The following SCAF11 variants were observed in gnomAD, a reference collection of about 807,000 sequenced individuals.
The protein encoded by SCAF11 is SR-related CTD associated factor 11, also known as protein SCAF11.
A neutral mutation model predicts 140.5 loss-of-function variants in SCAF11; 47 were observed. The ratio of observed to expected loss-of-function variants is 0.33; its 90% CI spans 0.26 to 0.43. SCAF11 has a LOEUF of 0.43. SCAF11 is among the 20% of genes least tolerant of loss of function. SCAF11 has a pLI of 1.00. For missense variants in SCAF11, 1,645 were observed against 1,705.1 expected, an observed-to-expected ratio of 0.96 and a Z score of 0.62; for synonymous variants, 557 against 579.4, an observed-to-expected ratio of 0.96 and a Z score of 0.55.
intron 1 of SCAF11, among the ~76,000 whole-genome samples, chr12:45,965,414 G>A (rs1264926244): frequency 6.6e-6 from 1 of 152,184 alleles, no homozygotes. Context: ...AGGTAAAAAT[G>A]AGAAAAGTGG....
At chr12:45,972,827 GCAGA>G (rs1375337284) in intron 1 of SCAF11, among the ~76,000 whole-genome samples, 10 of 138,400 alleles carry the variant, frequency 7.2e-5, no homozygotes, top group Non-Finnish European at 1.2e-4. Flanking sequence ...TACCTAACAA[GCAGA>G]CAAAGATTTA....
chr12:45,945,487 T>C (rs943378091), intron 5 of SCAF11, among the ~76,000 whole-genome samples, 174 bp from the exon 6 acceptor site: 5 of 152,102 alleles, frequency 3.3e-5, no homozygotes, highest in East Asian at 1.9e-4. Context: ...TATGAGATAT[T>C]AGAATGTCAA....
chr12:45,967,208 G>T (rs916908805), intron 1 of SCAF11, among the ~76,000 whole-genome samples: 2 of 151,836 alleles, frequency 1.3e-5, no homozygotes, highest in African/African-American at 4.8e-5. Context: ...GGGCAACACA[G>T]CAAGACCCTG....
At chr12:45,960,559 C>T (rs1016786209) in intron 3 of SCAF11, 7 of 152,244 alleles carry the variant, frequency 4.6e-5, no homozygotes, top group Non-Finnish European at 7.4e-5. Context: ...CATATTAATT[C>T]AGCAAAACTC....
chr12:45,968,067 A>G (rs1945992289), intron 1 of SCAF11, among the ~76,000 whole-genome samples: 1 of 152,230 alleles, frequency 6.6e-6, no homozygotes, highest in Non-Finnish European at 1.5e-5. Context: ...AGTTACCTGA[A>G]AAGTTAGATA....
At position 45,927,182 on chromosome 12, in the gene SCAF11, G is replaced by A. The variant is rs1310608260; in HGVS notation, c.2519C>T (p.Ala840Val). 6.2e-7 allele frequency: 1 copy of A among 1,613,978 alleles called. No homozygotes were observed. The highest frequency in any genetic ancestry group is 8.5e-7 in the Non-Finnish European group (1 of 1,179,962). The change falls in exon 11 of 15, where the codon GCC becomes GTC. Residue 840 changes from alanine (A) to valine (V), a missense_variant. Physicochemically the swap from Ala to Val is moderately conservative, Grantham distance 64. Around this residue, in one of 2 missense-constraint regions of SCAF11, gnomAD observed 1,582 missense variants for 1,609.2 expected, o/e 0.98. Coordinates refer to ENST00000369367, the MANE Select transcript of SCAF11 (RefSeq NM_004719.3). ...SQSPSPKNES[A>V]RGRKKSRSQS... is the part of the protein sequence containing the mutation. ...AGAACGGGATTTTTTCCGGCCTCTG[G>A]CTGACTCATTCTTAGGAGATGGTGA...
At chr12:45,934,096 G>T in intron 8 of SCAF11, 80 bp downstream of exon 8, 1 of 808,814 alleles carries the variant, frequency 1.2e-6, no homozygotes, top group Non-Finnish European at 1.8e-6. Flanking sequence ...ATTGGGCCCA[G>T]AGTTTAAATT....
At chr12:45,963,570 C>G (rs971311973) in intron 2 of SCAF11, among the ~76,000 whole-genome samples, 6 of 152,014 alleles carry the variant, frequency 3.9e-5, no homozygotes, top group Non-Finnish European at 8.8e-5. Context: ...TAGACCTTCA[C>G]TAAAGAAACT....
At chr12:45,931,324 A>G in intron 10 of SCAF11, 182 bp downstream of exon 10, 1 of 381,926 alleles carries the variant, frequency 2.6e-6, no homozygotes, top group Non-Finnish European at 4.7e-6. Flanking sequence ...ATCTATATAT[A>G]CATACACTCT....
At chr12:45,983,785 A>ACACACACACACAC (rs1565695884) in intron 1 of SCAF11, among the ~76,000 whole-genome samples, 2 of 150,994 alleles carry the variant, frequency 1.3e-5, no homozygotes, top group African/African-American at 4.9e-5. Flanking sequence ...ACACACACAC[A>ACACACACACACAC]AAGACTGAAC....
At position 45,928,868 on chromosome 12, in the gene SCAF11, AT is replaced by A. The variant is rs757286275; in HGVS notation, c.842-10del. 3.7e-5 allele frequency: 49 copies of A among 1,334,314 alleles called. No individual in the cohort carries two copies. The South Asian group carries it at 6.5e-4, about 18-fold the overall frequency. 82.7% of individuals were successfully genotyped at this position (1,334,314 alleles called of 1,614,324 possible). ...TCCCTTGCAAGAAGTACCTAATAATATTTAAAAAAAAAAAAAAAGTAAAAAA... is the reference window on the plus strand; with the variant it reads ...TCCCTTGCAAGAAGTACCTAATAATATTAAAAAAAAAAAAAAAGTAAAAAA... On this transcript the variant is annotated splice_polypyrimidine_tract_variant and intron_variant, in intron 10 of 14. Coordinates refer to ENST00000369367, the MANE Select transcript of SCAF11 (RefSeq NM_004719.3).
At chr12:45,958,272 CA>C (rs1187451730) in intron 3 of SCAF11, among the ~76,000 whole-genome samples, 1 of 152,288 alleles carries the variant, frequency 6.6e-6, no homozygotes, top group African/African-American at 2.4e-5. Flanking sequence ...TGTAGGAAAT[CA>C]TAATTGTCAC....
intron 6 of SCAF11, among the ~76,000 whole-genome samples, chr12:45,943,061 A>C (rs1461492989): frequency 6.6e-6 from 1 of 152,212 alleles, no homozygotes; most frequent in Non-Finnish European, 1.5e-5. Context: ...AATAATTTTC[A>C]TCAAATGTAA....
chr12:45,938,132 A>C (rs1171754127), intron 6 of SCAF11, among the ~76,000 whole-genome samples: 2 of 152,096 alleles, frequency 1.3e-5, no homozygotes, highest in Non-Finnish European at 2.9e-5. Flanking sequence ...TTTTGTGGAC[A>C]CTTATGTGCT....
chr12:45,945,113 T>C, intron 6 of SCAF11, 136 bp downstream of exon 6: 1 of 633,660 alleles, frequency 1.6e-6, no homozygotes, highest in Non-Finnish European at 2.8e-6. Context: ...AAAATTTATG[T>C]AGGATTTAAC....
At chr12:45,979,913 T>G (rs913593088) in intron 1 of SCAF11, among the ~76,000 whole-genome samples, 2 of 152,130 alleles carry the variant, frequency 1.3e-5, no homozygotes, top group African/African-American at 4.8e-5. Context: ...TCTGCCACAT[T>G]AGCATAAGGC....
At chr12:45,932,552 G>A (rs1051940380) in intron 9 of SCAF11, among the ~76,000 whole-genome samples, 1 of 152,006 alleles carries the variant, frequency 6.6e-6, no homozygotes, top group Non-Finnish European at 1.5e-5. Context: ...ATAAAATAAA[G>A]TCATAATATG....
upstream of SCAF11, chr12:45,991,857 T>C: frequency 7.8e-7 from 1 of 1,277,304 alleles, no homozygotes; most frequent in Middle Eastern, 2.3e-4. Context: ...CCCGCAGGAC[T>C]AAGCTCTGCT....
chr12:45,934,347 C>T, intron 7 of SCAF11, 62 bp from the exon 8 acceptor site: 4 of 1,369,962 alleles, frequency 2.9e-6, no homozygotes, highest in Non-Finnish European at 4.1e-6. Context: ...AATAGTTATA[C>T]TTAAATATTT....
Sources: gnomAD v4.1 joint callset for allele counts (sites outside exome capture counted in the v4.1 genomes callset) on GRCh38, gnomAD v4.1.1 for gene constraint, gnomAD v4.1.1 regional missense constraint, MANE v1.5 for transcripts, NCBI Gene and HGNC (gene_info 2026-07-23, HGNC 2026-07-21) for gene names.